TCERG1L: variants seen among roughly 807,000 people sequenced by gnomAD.
The protein encoded by TCERG1L is transcription elongation regulator 1 like.
In TCERG1L, 37 loss-of-function variants were observed where a neutral mutation model predicts 56.3. That is an observed-to-expected ratio of 0.66 (90% CI 0.51 to 0.87). The LOEUF is 0.87. Ranked by LOEUF, TCERG1L falls within the 40% of genes least tolerant of loss-of-function variation. TCERG1L has a pLI of 0.00. For missense variants in TCERG1L, 799 were observed against 774.2 expected (o/e 1.03, Z -0.38); for synonymous variants, 324 against 326.3 (o/e 0.99, Z 0.08).
intron 6 of TCERG1L, among the ~76,000 whole-genome samples, chr10:131,149,568 C>T (rs1845841028): frequency 6.6e-6 from 1 of 152,180 alleles, no homozygotes; most frequent in Non-Finnish European, 1.5e-5. Context: ...GGAACATAAG[C>T]CCAGGGTAGA....
At chr10:131,285,542 G>GA (rs1846527720) in intron 3 of TCERG1L, among the ~76,000 whole-genome samples, 2 of 122,622 alleles carry the variant, frequency 1.6e-5, no homozygotes, top group African/African-American at 3.3e-5. Flanking sequence ...GAAAAGAAAA[G>GA]AAAGAAAGGA....
intron 4 of TCERG1L, among the ~76,000 whole-genome samples, chr10:131,197,811 C>T (rs1845383178): frequency 2.6e-5 from 4 of 152,178 alleles, no homozygotes; most frequent in South Asian, 4.1e-4. Context: ...AAAATCACAA[C>T]ACATCCCAAA....
At chr10:131,141,281 T>C (rs1845736251) in intron 7 of TCERG1L, among the ~76,000 whole-genome samples, 1 of 152,250 alleles carries the variant, frequency 6.6e-6, no homozygotes, top group South Asian at 2.1e-4. Flanking sequence ...CCATCCTCCA[T>C]CCCTCTCAGC....
intron 6 of TCERG1L, among the ~76,000 whole-genome samples, chr10:131,146,999 G>C (rs1439422179): frequency 5.9e-5 from 9 of 152,110 alleles, no homozygotes; most frequent in African/African-American, 2.2e-4. Context: ...CATTCCAGAT[G>C]CAGAGCACTC....
At chr10:131,228,022 C>T (rs1392696636) in intron 4 of TCERG1L, among the ~76,000 whole-genome samples, 3 of 151,766 alleles carry the variant, frequency 2.0e-5, no homozygotes, top group Admixed American at 1.3e-4. Context: ...CCTCCTTGCC[C>T]AGCCCCCCTC....
rs372502353 is a variant in TCERG1L, at chr10:131,260,382, C to T, written c.733G>A (p.Ala245Thr). The T allele has an allele frequency of 3.5e-5, 52 of 1,492,210 alleles. No individual in the cohort carries two copies. The highest frequency in any genetic ancestry group is 4.3e-5 in the South Asian group (3 of 70,306). The allele number at this position is 1,492,210 out of a possible 1,614,324, so 92.4% of individuals were successfully genotyped here. ...SPAIAIATAA[A>T]AAMVSVDPEN... ...GGGTCCACGGAGACCATGGCAGCGG[C>T]GGCGGCGGTGGCGATGGCAATGGCG... Residue 245 changes from alanine (A) to threonine (T), a missense_variant, in exon 4 of 12, where the codon GCC becomes ACC. Coordinates refer to ENST00000368642, the MANE Select transcript of TCERG1L (RefSeq NM_174937.4). This position sits in a 1 kb window ranked among gnomAD's most constrained non-coding sequence, Gnocchi z 5.8.
At chr10:131,235,586 C>A (rs7071932) in intron 4 of TCERG1L, among the ~76,000 whole-genome samples, 7,986 of 152,268 alleles carry the variant, frequency 0.052, 519 homozygotes, top group East Asian at 0.3. Flanking sequence ...ATGGAATACT[C>A]TGGTGCATTA....
chr10:131,213,465 A>G (rs1378335870), intron 4 of TCERG1L, among the ~76,000 whole-genome samples: 3 of 152,192 alleles, frequency 2.0e-5, no homozygotes. Flanking sequence ...TCAAATTCGT[A>G]GTAAAATATC....
intron 3 of TCERG1L, among the ~76,000 whole-genome samples, chr10:131,290,631 C>CAA (rs3040427): frequency 5.0e-4 from 49 of 97,456 alleles, no homozygotes; most frequent in African/African-American, 1.6e-3. Context: ...AACCCCATCT[C>CAA]AAAAAAAAAA....
At chr10:131,307,430 TATTGAGA>T (rs1247526520) in intron 3 of TCERG1L, among the ~76,000 whole-genome samples, 2 of 152,126 alleles carry the variant, frequency 1.3e-5, no homozygotes, top group African/African-American at 4.8e-5. Flanking sequence ...TAGAGACACA[TATTGAGA>T]CAAGCTTGGT....
chr10:131,207,688 G>T (rs924689554), intron 4 of TCERG1L, among the ~76,000 whole-genome samples: 2 of 152,262 alleles, frequency 1.3e-5, no homozygotes, highest in African/African-American at 4.8e-5. Context: ...TGAGGACAGC[G>T]CGGGCCTCTG....
chr10:131,215,079 T>C (rs1362725997), intron 4 of TCERG1L, among the ~76,000 whole-genome samples: 2 of 152,168 alleles, frequency 1.3e-5, no homozygotes, highest in Admixed American at 1.3e-4. Flanking sequence ...ATCCCACGCT[T>C]GTACTTCCTC....
At chr10:131,135,621 C>T (rs1001865927) in intron 7 of TCERG1L, among the ~76,000 whole-genome samples, 3 of 152,226 alleles carry the variant, frequency 2.0e-5, no homozygotes, top group Non-Finnish European at 4.4e-5. Flanking sequence ...CCCGGCTCAT[C>T]CCAGTCATGC....
intron 3 of TCERG1L, among the ~76,000 whole-genome samples, chr10:131,285,411 G>C (rs1365434653): frequency 1.0e-5 from 1 of 98,444 alleles, no homozygotes; most frequent in Non-Finnish European, 2.2e-5. Context: ...AGGAAGGAAG[G>C]AAAGAGAGAG....
At chr10:131,143,660 A>G (rs1420272223) in intron 7 of TCERG1L, among the ~76,000 whole-genome samples, 3 of 152,188 alleles carry the variant, frequency 2.0e-5, no homozygotes, top group Non-Finnish European at 4.4e-5. Flanking sequence ...CGCCTCTGAC[A>G]GGCCTGGGAA....
intron 4 of TCERG1L, among the ~76,000 whole-genome samples, chr10:131,241,169 C>A (rs1845967197): frequency 6.7e-6 from 1 of 150,340 alleles, no homozygotes; most frequent in South Asian, 2.1e-4. Context: ...GAGGAGCCGC[C>A]CGCACGCAGA....
rs1846492379 is a variant in TCERG1L, at chr10:131,283,975, T to C, written c.671-23531A>G. Reference sequence around the variant, plus strand: ...CTGTCTCTACTAAAAATTCAAAAATTAGCCAGGCATTGCAGTGGGCACCTG... The same window carrying C: ...CTGTCTCTACTAAAAATTCAAAAATCAGCCAGGCATTGCAGTGGGCACCTG... On this transcript the variant is annotated intron_variant, in intron 3 of 11. Coordinates refer to ENST00000368642, the MANE Select transcript of TCERG1L (RefSeq NM_174937.4). Among the ~76,000 whole-genome samples, 2 of 151,952 alleles carry C rather than the reference T, an allele frequency of 1.3e-5. 1 individual carries two copies. Among genetic ancestry groups the C allele is most frequent in the South Asian group, 4.2e-4 (2 of 4,812 alleles).
At chr10:131,121,936 C>A (rs1031509230) in intron 8 of TCERG1L, among the ~76,000 whole-genome samples, 7 of 152,250 alleles carry the variant, frequency 4.6e-5, no homozygotes, top group African/African-American at 9.6e-5. Context: ...GGGGTCCCCG[C>A]TGACAGACAG....
At chr10:131,235,401 T>C (rs1845902773) in intron 4 of TCERG1L, among the ~76,000 whole-genome samples, 1 of 152,186 alleles carries the variant, frequency 6.6e-6, no homozygotes, top group Admixed American at 6.5e-5. Context: ...GCAGCATCTA[T>C]AAAAGGAAGA....
Sources: gnomAD v4.1 joint callset for allele counts (sites outside exome capture counted in the v4.1 genomes callset) on GRCh38, gnomAD v4.1.1 for gene constraint, Gnocchi (gnomAD v3.1) non-coding constraint, MANE v1.5 for transcripts, NCBI Gene and HGNC (gene_info 2026-07-23, HGNC 2026-07-21) for gene names.